The following INHBA variants were observed in gnomAD, a reference collection of about 807,000 sequenced individuals.
INHBA encodes the protein inhibin subunit beta A.
INHBA carries 1 observed loss-of-function variant against 29.0 expected under a neutral mutation model. The ratio of observed to expected loss-of-function variants is 0.03; its 90% CI spans 0.01 to 0.16. INHBA has a LOEUF of 0.16. Ranked by LOEUF, INHBA falls within the 10% of genes least tolerant of loss-of-function variation. The pLI is 1.00. For synonymous variants in INHBA, 242 were observed against 216.8 expected (o/e 1.12, Z -1.02); for missense variants, 376 against 545.4 (o/e 0.69, Z 3.09).
chr7:41,702,484 G>A (rs950456812), intron 1 of INHBA, among the ~76,000 whole-genome samples: 5 of 152,168 alleles, frequency 3.3e-5, no homozygotes, highest in African/African-American at 9.7e-5. Flanking sequence ...GAATGGGGGA[G>A]GCAGGGGACA....
chr7:41,699,937 A>G (rs778693093), intron 2 of INHBA, 50 bp downstream of exon 2: 7 of 255,204 alleles, frequency 2.7e-5, no homozygotes, highest in Admixed American at 2.6e-4. Flanking sequence ...AATATATTTT[A>G]CCCTCCCACC....
chr7:41,692,041 G>T (rs1182307055), intron 2 of INHBA: 11 of 152,180 alleles, frequency 7.2e-5, no homozygotes, highest in Non-Finnish European at 1.3e-4. Context: ...AAATTAGAAA[G>T]TCACCTATTT....
chr7:41,700,275 CG>C lies in INHBA; in HGVS notation c.99del (p.Asp34ThrfsTer30). 6.2e-7 allele frequency: 1 copy of C among 1,600,870 alleles called. No homozygotes were observed. ...TPGSEGHSAA[P>X]DCPSCALAAL... ...GCGGCCAGCGCACAGGACGGACAGT[CG>C]GGGGCCGCGCTGTGCCCCTCGGATC... On this transcript the variant is annotated frameshift_variant, in exon 2 of 3. Transcript: ENST00000242208. LOFTEE classifies it high-confidence loss of function.
At chr7:41,699,556 C>T (rs556993395) in intron 2 of INHBA, among the ~76,000 whole-genome samples, 103 of 152,270 alleles carry the variant, frequency 6.8e-4, no homozygotes, top group South Asian at 3.1e-3. Context: ...ACATTCACCC[C>T]TCTACCCTCA....
upstream of INHBA, among the ~76,000 whole-genome samples, chr7:41,703,320 T>A (rs2128672261): frequency 6.6e-6 from 1 of 152,324 alleles, no homozygotes; most frequent in Admixed American, 6.5e-5. Flanking sequence ...CTAGGATTAC[T>A]CTACCTTTTA....
At chr7:41,704,211 T>G (rs1794859972), upstream of INHBA, among the ~76,000 whole-genome samples, 1 of 152,166 alleles carries the variant, frequency 6.6e-6, no homozygotes, top group Non-Finnish European at 1.5e-5. Context: ...GATGTGTGGC[T>G]TAAGCAGGTT....
Position 41,700,461 on chromosome 7 carries a change from A to G in INHBA, c.-87T>C. 8.8e-7 allele frequency: 1 copy of G among 1,134,580 alleles called. No individual in the cohort carries two copies. The highest frequency in any genetic ancestry group is 1.2e-6 in the Non-Finnish European group (1 of 857,130). 70.3% of individuals were successfully genotyped at this position (1,134,580 alleles called of 1,614,324 possible). A position where few individuals can be genotyped will look rare whatever the true frequency, so the allele number is the denominator to read the frequency against. On this transcript the variant is annotated 5_prime_UTR_variant, in exon 2 of 3. Transcript: ENST00000242208. ...CGCGCAGGTTTTTTTGTGTGTGTGG[A>G]TTTTTTTATTTTTTTTTTTGGTGTT...
At chr7:41,699,634 C>G (rs1036400123) in intron 2 of INHBA, among the ~76,000 whole-genome samples, 1 of 152,114 alleles carries the variant, frequency 6.6e-6, no homozygotes, top group Non-Finnish European at 1.5e-5. Context: ...CGCGGCTTTC[C>G]TCCGGCTGCT....
intron 2 of INHBA, among the ~76,000 whole-genome samples, chr7:41,698,714 A>G (rs1794704882): frequency 6.6e-6 from 1 of 152,208 alleles, no homozygotes; most frequent in South Asian, 2.1e-4. Context: ...GAAGCCACAC[A>G]GCCAGCAGGC....
intron 2 of INHBA, chr7:41,692,250 T>A (rs905528236): frequency 6.6e-6 from 1 of 152,148 alleles, no homozygotes; most frequent in Non-Finnish European, 1.5e-5. Context: ...ATGTATCCCA[T>A]GCACAAATCT....
At chr7:41,697,761 A>C (rs767214010) in intron 2 of INHBA, among the ~76,000 whole-genome samples, 4 of 152,242 alleles carry the variant, frequency 2.6e-5, no homozygotes, top group Non-Finnish European at 5.9e-5. Flanking sequence ...ATTCATGTTC[A>C]TATATTTGCT....
rs1412276721 is a variant in INHBA, at chr7:41,685,521, A to T, written c.*4129T>A. ...AAATAGAAACAAACAAACAAACAAC[A>T]TCAACCACAGAACATAAAAAGTTTT... is the stretch of plus-strand genomic sequence containing the variant. On this transcript the variant is annotated 3_prime_UTR_variant, in exon 3 of 3. Transcript: ENST00000242208. The T allele has an allele frequency of 1.3e-5, 2 of 152,082 alleles. No individual in the cohort carries two copies. Among genetic ancestry groups the T allele is most frequent in the Non-Finnish European group, 2.9e-5 (2 of 67,952 alleles). The allele number at this position is 152,082 out of a possible 1,614,324, so 9.4% of individuals were successfully genotyped here.
At chr7:41,698,186 AT>A (rs958597743) in intron 2 of INHBA, among the ~76,000 whole-genome samples, 3 of 152,330 alleles carry the variant, frequency 2.0e-5, no homozygotes, top group Admixed American at 2.0e-4. Flanking sequence ...AAATGGTCAA[AT>A]TTTTTCACTG....
rs138819536 is a variant in INHBA, at chr7:41,690,245, C to A, written c.686G>T (p.Arg229Leu). The A allele has an allele frequency of 6.2e-7, 1 of 1,613,852 alleles. No homozygotes were observed. The change falls in exon 3 of 3, where the codon CGG becomes CTG. Residue 229 changes from arginine (R) to leucine (L), a missense_variant. Arg to Leu is a moderately radical substitution (Grantham distance 102, BLOSUM62 -2). Coordinates refer to ENST00000242208, the MANE Select transcript of INHBA (RefSeq NM_002192.4). The stretch of plus-strand genomic sequence containing the variant: ...GGAGCTCTTGCCCTGGTCCAGCAAC[C>A]GCTGGATGCTGCTGGAGACAGGGAA... ...HVFPVSSSIQ[R>L]LLDQGKSSLD...
chr7:41,700,000 C>G lies in INHBA; in HGVS notation c.375G>C (p.Thr125=), dbSNP rs754814863. ...GCCAGCACCAACCTGACTCGGCAAA[C>G]GTGATGATCTCCGAGGTCTGCTCCA... The part of the protein sequence containing the change: ...ELMEQTSEII[T]FAESGTARKT... The change falls in exon 2 of 3, where the codon ACG becomes ACC. Residue 125 remains threonine, a synonymous_variant. Transcript: ENST00000242208. 5.9e-6 allele frequency: 8 copies of G among 1,360,692 alleles called. No individual in the cohort carries two copies. The East Asian group carries it at 2.7e-4, about 46-fold the overall frequency. The allele number at this position is 1,360,692 out of a possible 1,614,324, so 84.3% of individuals were successfully genotyped here. A position where few individuals can be genotyped will look rare whatever the true frequency, so the allele number is the denominator to read the frequency against.
intron 2 of INHBA, among the ~76,000 whole-genome samples, chr7:41,699,320 G>A (rs1794719139): frequency 6.6e-6 from 1 of 152,098 alleles, no homozygotes; most frequent in Admixed American, 6.5e-5. Context: ...GCAAAAGTCA[G>A]TGTCCCAAAA....
Position 41,690,004 on chromosome 7 carries a change from C to A in INHBA, c.927G>T (p.Arg309=). ...QSEDHPHRRR[R]RGLECDGKVN... ...CCTTGCCATCACACTCCAAGCCCCG[C>A]CGACGCCGGCGATGAGGGTGGTCTT... Residue 309 remains arginine, a synonymous_variant, in exon 3 of 3, where the codon CGG becomes CGT. Transcript: ENST00000242208. 1 of 1,614,102 alleles carries A rather than the reference C, an allele frequency of 6.2e-7. No homozygotes were observed.
In INHBA at chr7:41,700,387, A is replaced by T. The variant is rs1794752598; in HGVS notation, c.-13T>A. ...AAAGCAAGGGCATCCTGGCAGCAAA[A>T]GTTGTTGTGATTGCCTTTTTAAAAG... On this transcript the variant is annotated 5_prime_UTR_variant, in exon 2 of 3. Coordinates refer to ENST00000242208, the MANE Select transcript of INHBA (RefSeq NM_002192.4). 1 of 1,435,336 alleles carries T rather than the reference A, an allele frequency of 7.0e-7. No individual in the cohort carries two copies. The highest frequency in any genetic ancestry group is 9.1e-7 in the Non-Finnish European group (1 of 1,093,158). The allele number at this position is 1,435,336 out of a possible 1,614,324, so 88.9% of individuals were successfully genotyped here.
At position 41,690,104 on chromosome 7, in the gene INHBA, T is replaced by A. The variant is rs762812832; in HGVS notation, c.827A>T (p.Glu276Val). ...TTCCTCATCTGCTCCTGCCCCACCTTCACCTCCGCCCTTCTTTTTCCCTTC... is the reference window on the plus strand; with the variant it reads ...TTCCTCATCTGCTCCTGCCCCACCTACACCTCCGCCCTTCTTTTTCCCTTC... Reference protein sequence around the residue: ...EGEGKKKGGGEGGAGADEEKE... With the variant: ...EGEGKKKGGGVGGAGADEEKE... The change falls in exon 3 of 3, where the codon GAA becomes GTA. Residue 276 changes from glutamate (E) to valine (V), a missense_variant. Transcript: ENST00000242208. 5 of 1,613,740 alleles carry A rather than the reference T, an allele frequency of 3.1e-6. No individual in the cohort carries two copies. The highest frequency in any genetic ancestry group is 4.2e-6 in the Non-Finnish European group (5 of 1,179,962).
Sources: gnomAD v4.1 joint callset for allele counts (sites outside exome capture counted in the v4.1 genomes callset) on GRCh38, gnomAD v4.1.1 for gene constraint, MANE v1.5 for transcripts, NCBI Gene and HGNC (gene_info 2026-07-23, HGNC 2026-07-21) for gene names.